Variants in ARMC1 observed in about 807,000 individuals in gnomAD.
The protein encoded by ARMC1 is armadillo repeat-containing protein 1.
A neutral mutation model predicts 31.4 loss-of-function variants in ARMC1; 16 were observed. The observed-to-expected ratio is 0.51, with a 90% confidence interval of 0.34 to 0.77. The LOEUF (loss-of-function observed/expected upper bound fraction) is 0.77, where lower values mean the gene tolerates loss of function less well. Among genes scored for constraint, ARMC1 ranks in the 30% least tolerant of loss-of-function variants. The pLI, the probability that ARMC1 is intolerant of heterozygous loss-of-function variation, is 0.01. For missense variants in ARMC1, 259 were observed against 347.5 expected (o/e 0.75, Z 2.02); for synonymous variants, 114 against 118.9 (o/e 0.96, Z 0.27).
In ARMC1 at chr8:65,602,517, A is replaced by G. The variant is rs1807913101; in HGVS notation, c.*1877T>C. The G allele has an allele frequency of 6.6e-6, 1 of 152,232 alleles. No individual in the cohort carries two copies. Among genetic ancestry groups the G allele is most frequent in the Admixed American group, 6.5e-5 (1 of 15,284 alleles). The allele number at this position is 152,232 out of a possible 1,614,324, so 9.4% of individuals were successfully genotyped here. ...ATTATTTTACAATGTATTTCAAAAA[A>G]TGCTGTTACAGTTGTCTTAACTACT... On this transcript the variant is annotated 3_prime_UTR_variant, in exon 7 of 7. Transcript: ENST00000276569.
At chr8:65,629,747 C>T (rs1808596409) in intron 1 of ARMC1, among the ~76,000 whole-genome samples, 1 of 145,072 alleles carries the variant, frequency 6.9e-6, no homozygotes, top group African/African-American at 2.6e-5. Context: ...TACAGTGAGC[C>T]GAGATTGTAC....
intron 1 of ARMC1, among the ~76,000 whole-genome samples, chr8:65,630,802 G>A (rs1808626993): frequency 6.9e-6 from 1 of 144,574 alleles, no homozygotes; most frequent in Non-Finnish European, 1.5e-5. Context: ...CTGGGCAACA[G>A]TGCCAGACTC....
At chr8:65,611,667 T>A (rs561878533) in intron 4 of ARMC1, among the ~76,000 whole-genome samples, 9 of 152,294 alleles carry the variant, frequency 5.9e-5, no homozygotes, top group East Asian at 1.9e-4. Flanking sequence ...CAGTTAGGCA[T>A]CTGGAGCTAA....
intron 4 of ARMC1, among the ~76,000 whole-genome samples, chr8:65,612,489 C>T (rs540408657): frequency 6.6e-6 from 1 of 152,084 alleles, no homozygotes; most frequent in South Asian, 2.1e-4. Context: ...AGAAATGTGT[C>T]ACTTAGTTTT....
chr8:65,622,954 T>G (rs1340682316), intron 2 of ARMC1, among the ~76,000 whole-genome samples: 1 of 137,286 alleles, frequency 7.3e-6, no homozygotes, highest in South Asian at 2.3e-4. Context: ...TGCAGTGAGC[T>G]GAGATCACGC....
chr8:65,610,374 G>A (rs1348910788), intron 4 of ARMC1, among the ~76,000 whole-genome samples: 1 of 151,830 alleles, frequency 6.6e-6, no homozygotes, highest in African/African-American at 2.4e-5. Flanking sequence ...TGGGATTATA[G>A]GCGTGACCCA....
intron 3 of ARMC1, among the ~76,000 whole-genome samples, chr8:65,619,395 G>A (rs939838224): frequency 1.3e-5 from 2 of 151,848 alleles, no homozygotes; most frequent in Admixed American, 6.6e-5. Context: ...AAAATTAGAT[G>A]GGTGCAGTGT....
intron 2 of ARMC1, among the ~76,000 whole-genome samples, chr8:65,625,954 T>C (rs1396061232): frequency 6.7e-6 from 1 of 150,242 alleles, no homozygotes; most frequent in Non-Finnish European, 1.5e-5. Context: ...AATGGCACAA[T>C]CTTGGCTCAC....
chr8:65,615,205 G>C (rs1210893479), intron 3 of ARMC1, among the ~76,000 whole-genome samples: 1 of 151,932 alleles, frequency 6.6e-6, no homozygotes, highest in Non-Finnish European at 1.5e-5. Context: ...AAGTTACTTT[G>C]GGTGACTTTA....
At chr8:65,615,630 C>G (rs1456885570) in intron 3 of ARMC1, among the ~76,000 whole-genome samples, 1 of 152,050 alleles carries the variant, frequency 6.6e-6, no homozygotes, top group East Asian at 1.9e-4. Flanking sequence ...TCACTTGGAC[C>G]TGGGAGATGG....
At chr8:65,617,381 C>T (rs375874910) in intron 3 of ARMC1, among the ~76,000 whole-genome samples, 132 of 152,212 alleles carry the variant, frequency 8.7e-4, no homozygotes, top group African/African-American at 3.0e-3. Context: ...GGATTAAGGG[C>T]GGTGCAAGAT....
intron 2 of ARMC1, among the ~76,000 whole-genome samples, chr8:65,623,689 G>A (rs1808447657): frequency 7.0e-6 from 1 of 143,394 alleles, no homozygotes; most frequent in East Asian, 2.2e-4. Context: ...TAAAGTTCCA[G>A]AAGAAGCCAG....
intron 4 of ARMC1, among the ~76,000 whole-genome samples, chr8:65,607,073 T>G (rs1563411634): frequency 6.6e-6 from 1 of 152,230 alleles, no homozygotes; most frequent in Non-Finnish European, 1.5e-5. Context: ...CAAACTTATT[T>G]CCACATCCTT....
At chr8:65,609,324 T>A (rs531866789) in intron 4 of ARMC1, among the ~76,000 whole-genome samples, 23 of 152,264 alleles carry the variant, frequency 1.5e-4, no homozygotes, top group Admixed American at 3.9e-4. Context: ...GTGCTAGCTT[T>A]AAAAAGAAAC....
intron 4 of ARMC1, among the ~76,000 whole-genome samples, chr8:65,606,716 C>G (rs1173585350): frequency 6.6e-6 from 1 of 152,198 alleles, no homozygotes; most frequent in Non-Finnish European, 1.5e-5. Context: ...CACCTTAACT[C>G]CAAAGTCCAG....
intron 4 of ARMC1, among the ~76,000 whole-genome samples, chr8:65,608,646 C>T (rs1808055739): frequency 6.6e-6 from 1 of 152,102 alleles, no homozygotes; most frequent in South Asian, 2.1e-4. Flanking sequence ...ACTTCCCCTT[C>T]TATTATAACC....
At chr8:65,615,843 C>T (rs749219256) in intron 3 of ARMC1, among the ~76,000 whole-genome samples, 67 of 151,804 alleles carry the variant, frequency 4.4e-4, no homozygotes, top group Non-Finnish European at 5.2e-4. Flanking sequence ...TGCAGTGGGC[C>T]GAGATCATGC....
intron 1 of ARMC1, among the ~76,000 whole-genome samples, chr8:65,631,857 GGACAACATAGCAA>G (rs1808651517): frequency 6.8e-6 from 1 of 147,032 alleles, no homozygotes; most frequent in Non-Finnish European, 1.5e-5. Context: ...ACTACAGCAT[GGACAACATAGCAA>G]GACCCTGTCT....
chr8:65,619,394 T>C (rs12335006), intron 3 of ARMC1, among the ~76,000 whole-genome samples: 96,510 of 151,642 alleles, frequency 0.64, 30,912 homozygotes, highest in African/African-American at 0.69. Flanking sequence ...AAAAATTAGA[T>C]GGGTGCAGTG....
Sources: gnomAD v4.1 joint callset for allele counts (sites outside exome capture counted in the v4.1 genomes callset) on GRCh38, gnomAD v4.1.1 for gene constraint, MANE v1.5 for transcripts, NCBI Gene and HGNC (gene_info 2026-07-23, HGNC 2026-07-21) for gene names.